The following DNAAF5 variants were observed in gnomAD, a reference collection of about 807,000 sequenced individuals.
DNAAF5 encodes the protein HEAT repeat containing 2.
DNAAF5 carries 64 observed loss-of-function variants against 75.8 expected under a neutral mutation model. The observed-to-expected ratio is 0.84, with a 90% CI of 0.69 to 1.04. The LOEUF is 1.04. Ranked by LOEUF, DNAAF5 falls within the 50% of genes least tolerant of loss-of-function variation. The pLI is 0.00. For missense variants in DNAAF5, 1,269 were observed against 1,178.5 expected, an observed-to-expected ratio of 1.08 and a Z score of -1.12; for synonymous variants, 657 against 557.2, an observed-to-expected ratio of 1.18 and a Z score of -2.52.
chr7:727,363 C>G (rs1781370079), intron 1 of DNAAF5, 48 bp downstream of exon 1: 9 of 1,062,672 alleles, frequency 8.5e-6, no homozygotes, highest in Non-Finnish European at 9.5e-6. Context: ...CACTCTCACC[C>G]CCACCTCCAC....
At chr7:777,848 G>A (rs1778813716) in intron 11 of DNAAF5, among the ~76,000 whole-genome samples, 1 of 152,154 alleles carries the variant, frequency 6.6e-6, no homozygotes, top group Admixed American at 6.5e-5. Flanking sequence ...GCCTGGAGTG[G>A]GCGAAGGACA....
At chr7:736,791 C>A (rs183507420) in intron 2 of DNAAF5, among the ~76,000 whole-genome samples, 1 of 152,116 alleles carries the variant, frequency 6.6e-6, no homozygotes, top group African/African-American at 2.4e-5. Flanking sequence ...TTCTTGCCTT[C>A]TTGTTTTCCT....
chr7:772,912 T>C (rs1169028173), intron 9 of DNAAF5: 1 of 151,352 alleles, frequency 6.6e-6, no homozygotes, highest in Non-Finnish European at 1.5e-5. Context: ...CCAGAAGTTC[T>C]GATGGAGCTT....
chr7:786,035 AAAG>A lies in DNAAF5; in HGVS notation c.*385_*387del, dbSNP rs1779135913. The A allele has an allele frequency of 5.8e-6, 1 of 171,140 alleles. No individual in the cohort carries two copies. The highest frequency in any genetic ancestry group is 1.8e-4 in the South Asian group (1 of 5,524). 10.6% of individuals were successfully genotyped at this position (171,140 alleles called of 1,614,324 possible). A position where few individuals can be genotyped will look rare whatever the true frequency, so the allele number is the denominator to read the frequency against. Reference sequence around the variant, plus strand: ...AGAAGGTTTTTACCTACTTAACAAAAAAGAAAGAAGCCAAAGTGATTAGAAAGA... The same window carrying A: ...AGAAGGTTTTTACCTACTTAACAAAAAAAGAAGCCAAAGTGATTAGAAAGA... On this transcript the variant is annotated 3_prime_UTR_variant, in exon 13 of 13. Coordinates refer to ENST00000297440, the MANE Select transcript of DNAAF5 (RefSeq NM_017802.4).
Position 785,776 on chromosome 7 carries a change from C to T in DNAAF5, c.*123C>T, listed in dbSNP as rs1032857709. On this transcript the variant is annotated 3_prime_UTR_variant, in exon 13 of 13. Coordinates refer to ENST00000297440, the MANE Select transcript of DNAAF5 (RefSeq NM_017802.4). ...AGACTGTGACAGCAAGAATGTACTC[C>T]TCAGGACACCTGCCCACTCTTTCCC... 6 of 1,086,874 alleles carry T rather than the reference C, an allele frequency of 5.5e-6. No homozygotes were observed. In the African/African-American group the frequency reaches 7.9e-5, roughly 14 times the overall value. 67.3% of individuals were successfully genotyped at this position (1,086,874 alleles called of 1,614,324 possible).
At position 753,983 on chromosome 7, in the gene DNAAF5, T is replaced by C. The variant is rs111735723; in HGVS notation, c.1025-606T>C. Among the ~76,000 whole-genome samples the C allele has an allele frequency of 2.6e-3, 360 of 137,596 alleles. 7 individuals are homozygous for C. The highest frequency in any genetic ancestry group is 9.6e-3 in the African/African-American group (340 of 35,504). The allele number at this position is 137,596 out of a possible 152,430, so 90.3% of individuals were successfully genotyped here. On this transcript the variant is annotated intron_variant, in intron 4 of 12. Transcript: ENST00000297440. The stretch of plus-strand genomic sequence containing the variant: ...GTCTCTCTCATCATATGGCGATGGC[T>C]TCGCAGGCGTGTGTCTCTCTGATCA...
chr7:767,098 G>A (rs903194519), intron 8 of DNAAF5, among the ~76,000 whole-genome samples: 4 of 152,128 alleles, frequency 2.6e-5, no homozygotes, highest in African/African-American at 7.2e-5. Flanking sequence ...AATTAGCTGG[G>A]TGCGGTGGCG....
At chr7:770,905 G>A (rs773568465) in intron 9 of DNAAF5, 2 of 354,172 alleles carry the variant, frequency 5.6e-6, no homozygotes, top group South Asian at 5.2e-5. Context: ...GTGGGCGTGT[G>A]CAGTGACCCC....
rs1443526471 is a variant in DNAAF5 at position 726,787 on chromosome 7, G to C, written c.67G>C (p.Glu23Gln). 171 of 1,281,666 alleles carry C rather than the reference G, an allele frequency of 1.3e-4. No homozygotes were observed. The highest frequency in any genetic ancestry group is 1.6e-4 in the Non-Finnish European group (160 of 1,016,606). 79.4% of individuals were successfully genotyped at this position (1,281,666 alleles called of 1,614,324 possible). A position where few individuals can be genotyped will look rare whatever the true frequency, so the allele number is the denominator to read the frequency against. ...CCCGGCTGAGGGGGCCGAGACGGCT[G>C]AGGCGGTGGAGCTGAGCCGCGCCCT... is the stretch of plus-strand genomic sequence containing the variant. Reference protein sequence around the residue: ...PHPAEGAETAEAVELSRALSR... With the variant: ...PHPAEGAETAQAVELSRALSR... Residue 23 changes from glutamate to glutamine, a missense_variant, in exon 1 of 13, where the codon GAG becomes CAG. By Grantham distance (29) the Glu-to-Gln change is conservative. Transcript: ENST00000297440.
At position 785,815 on chromosome 7, in the gene DNAAF5, T is replaced by A; in HGVS notation, c.*162T>A. ...CCACTCTTTCCCTGGAATAACAGCC[T>A]CTGAGTGGATTCTGCATGTTATGTG... is the stretch of plus-strand genomic sequence containing the variant. On this transcript the variant is annotated 3_prime_UTR_variant, in exon 13 of 13. Coordinates refer to ENST00000297440, the MANE Select transcript of DNAAF5 (RefSeq NM_017802.4). The A allele has an allele frequency of 1.4e-6, 1 of 707,522 alleles. No individual in the cohort carries two copies. The highest frequency in any genetic ancestry group is 2.3e-6 in the Non-Finnish European group (1 of 439,926). The allele number at this position is 707,522 out of a possible 1,614,324, so 43.8% of individuals were successfully genotyped here. A position where few individuals can be genotyped will look rare whatever the true frequency, so the allele number is the denominator to read the frequency against.
intron 11 of DNAAF5, among the ~76,000 whole-genome samples, chr7:777,314 G>A (rs749722671): frequency 1.3e-5 from 2 of 152,140 alleles, no homozygotes; most frequent in Non-Finnish European, 2.9e-5. Flanking sequence ...CCGGCGCTAA[G>A]GGCAGCCTCG....
At chr7:762,755 A>G (rs909592175) in intron 7 of DNAAF5, among the ~76,000 whole-genome samples, 3 of 151,860 alleles carry the variant, frequency 2.0e-5, no homozygotes, top group South Asian at 2.1e-4. Flanking sequence ...CCGGGATTAC[A>G]GGCGCCCACC....
intron 2 of DNAAF5, among the ~76,000 whole-genome samples, chr7:730,837 G>A (rs1781540839): frequency 6.6e-6 from 1 of 152,208 alleles, no homozygotes; most frequent in African/African-American, 2.4e-5. Flanking sequence ...CAGGCCAGCG[G>A]AAGTTGAGTC....
In DNAAF5 at chr7:740,930, G is replaced by A. The variant is rs181807581; in HGVS notation, c.892G>A (p.Val298Met). 6.2e-7 allele frequency: 1 copy of A among 1,613,418 alleles called. No individual in the cohort carries two copies. Among genetic ancestry groups the A allele is most frequent in the Non-Finnish European group, 8.5e-7 (1 of 1,180,040 alleles). Reference protein sequence around the residue: ...PLLLSSLNDEVPEVRQLAASL... With the variant: ...PLLLSSLNDEMPEVRQLAASL... The stretch of plus-strand genomic sequence containing the variant: ...GCTGCTCAGTAGCCTCAACGACGAG[G>A]TGCCTGAGGTCAGGTACGTGGGCAG... The change falls in exon 3 of 13, where the codon GTG becomes ATG. Residue 298 changes from valine (V) to methionine (M), a missense_variant. Transcript: ENST00000297440.
intron 11 of DNAAF5, among the ~76,000 whole-genome samples, chr7:775,685 A>G (rs75672128): frequency 0.015 from 2,221 of 152,358 alleles, 63 homozygotes; most frequent in African/African-American, 0.05. Flanking sequence ...ACCAAGTACA[A>G]CGTTGAACCC....
chr7:769,348 G>A (rs979879956), intron 8 of DNAAF5: 29 of 626,960 alleles, frequency 4.6e-5, no homozygotes, highest in Non-Finnish European at 7.2e-5. Context: ...GGCAGGAGAC[G>A]CTGCAGGGAC....
At chr7:777,629 T>C (rs1778807092) in intron 11 of DNAAF5, among the ~76,000 whole-genome samples, 1 of 152,172 alleles carries the variant, frequency 6.6e-6, no homozygotes, top group African/African-American at 2.4e-5. Flanking sequence ...TTAATGTGAT[T>C]ATCTATATTT....
chr7:765,731 C>CA (rs1211097194), intron 8 of DNAAF5, among the ~76,000 whole-genome samples: 1 of 152,172 alleles, frequency 6.6e-6, no homozygotes, highest in African/African-American at 2.4e-5. Context: ...GAGACGGTCT[C>CA]ACGCTGTCAC....
intron 9 of DNAAF5, 86 bp from the exon 10 acceptor site, chr7:773,962 C>G (rs532132589): frequency 1.9e-5 from 29 of 1,504,938 alleles, no homozygotes; most frequent in East Asian, 9.0e-5. Flanking sequence ...TTGGCTCCCC[C>G]CTCAGCCCCA....
Sources: gnomAD v4.1 joint callset for allele counts (sites outside exome capture counted in the v4.1 genomes callset) on GRCh38, gnomAD v4.1.1 for gene constraint, MANE v1.5 for transcripts, NCBI Gene and HGNC (gene_info 2026-07-23, HGNC 2026-07-21) for gene names.